Variants in ALK observed in about 807,000 individuals in gnomAD.
ALK encodes ALK tyrosine kinase receptor.
In ALK, 74 loss-of-function variants were observed where a neutral mutation model predicts 163.1. That is an observed-to-expected ratio of 0.45 (90% confidence interval 0.38 to 0.55). The LOEUF is 0.55. Ranked by LOEUF, ALK falls within the 20% of genes least tolerant of loss-of-function variation. The pLI, the probability that ALK is intolerant of heterozygous loss-of-function variation, is 0.00. For missense variants in ALK, 2,063 were observed against 2,105.3 expected, an observed-to-expected ratio of 0.98 and a Z score of 0.39; for synonymous variants, 960 against 843.2, an observed-to-expected ratio of 1.14 and a Z score of -2.40.
At chr2:29,917,167 A>G (rs1667856688) in intron 1 of ALK, among the ~76,000 whole-genome samples, 1 of 152,198 alleles carries the variant, frequency 6.6e-6, no homozygotes, top group African/African-American at 2.4e-5. Flanking sequence ...TTAGGAAGCT[A>G]TCTTTGGTCT....
chr2:29,671,653 G>C (rs1022520208), intron 3 of ALK, among the ~76,000 whole-genome samples: 3 of 151,940 alleles, frequency 2.0e-5, no homozygotes, highest in Non-Finnish European at 4.4e-5. Context: ...TGTGGGGTAG[G>C]GGTGTCACAG....
intron 4 of ALK, among the ~76,000 whole-genome samples, chr2:29,500,942 G>A (rs1672159355): frequency 6.6e-6 from 1 of 152,050 alleles, no homozygotes; most frequent in South Asian, 2.1e-4. Context: ...CTCCTTTCTG[G>A]CATATTCTTG....
intron 4 of ALK, among the ~76,000 whole-genome samples, chr2:29,526,448 A>G (rs1482326487): frequency 6.6e-6 from 1 of 152,210 alleles, no homozygotes; most frequent in Admixed American, 6.5e-5. Flanking sequence ...TAAGGCTTTT[A>G]AAAATTACCT....
intron 15 of ALK, among the ~76,000 whole-genome samples, chr2:29,230,519 T>C (rs1664170038): frequency 6.6e-6 from 1 of 152,266 alleles, no homozygotes; most frequent in South Asian, 2.1e-4. Flanking sequence ...CTGGAAGCAC[T>C]TGTGGCCCAG....
rs978759944 is a variant in ALK at position 29,227,975 on chromosome 2, C to T, written c.2816-303G>A. ...TCCAAAAAGTTCTAGTCTTTCCAGG[C>T]TGGGATATGCCCATGGTGCCTCTCC... On this transcript the variant is annotated intron_variant, in intron 16 of 28. Coordinates refer to ENST00000389048, the MANE Select transcript of ALK (RefSeq NM_004304.5). The surrounding 1 kb of genome is among the most constrained non-coding windows in gnomAD (Gnocchi z 4.4). 6.6e-6 allele frequency among the ~76,000 whole-genome samples: 1 copy of T among 152,224 alleles called. No individual in the cohort carries two copies. The highest frequency in any genetic ancestry group is 2.4e-5 in the African/African-American group (1 of 41,460).
At chr2:29,517,113 G>T (rs1672690704) in intron 4 of ALK, among the ~76,000 whole-genome samples, 1 of 152,222 alleles carries the variant, frequency 6.6e-6, no homozygotes, top group South Asian at 2.1e-4. Flanking sequence ...ATGTTTTGAT[G>T]AAGTTGAGGC....
At chr2:29,560,222 G>A (rs991023621) in intron 3 of ALK, among the ~76,000 whole-genome samples, 48 of 152,106 alleles carry the variant, frequency 3.2e-4, no homozygotes, top group African/African-American at 1.1e-3. Context: ...ACTGGTGAAT[G>A]GATAAACAAT....
chr2:29,679,368 C>T (rs1250757668), intron 3 of ALK, among the ~76,000 whole-genome samples: 1 of 151,592 alleles, frequency 6.6e-6, no homozygotes, highest in Non-Finnish European at 1.5e-5. Flanking sequence ...TTTTTTTCAG[C>T]ACTGAATACT....
chr2:29,567,434 C>A (rs1466290967), intron 3 of ALK, among the ~76,000 whole-genome samples: 1 of 152,178 alleles, frequency 6.6e-6, no homozygotes, highest in African/African-American at 2.4e-5. Context: ...CTCCACATCC[C>A]CAGACCTGTC....
At chr2:29,739,514 C>T (rs11694399) in intron 1 of ALK, among the ~76,000 whole-genome samples, 114,494 of 149,874 alleles carry the variant, frequency 0.76, 44,465 homozygotes, top group East Asian at 0.84. Flanking sequence ...GCCGAGATTG[C>T]GCCACTGCAC....
intron 23 of ALK, among the ~76,000 whole-genome samples, chr2:29,219,846 C>T (rs1669753782): frequency 6.6e-6 from 1 of 152,228 alleles, no homozygotes; most frequent in African/African-American, 2.4e-5. Context: ...CCCTGGGTAT[C>T]TTCACTTCCC....
At chr2:29,319,028 T>A (rs1666923922) in intron 7 of ALK, 1 of 154,822 alleles carries the variant, frequency 6.5e-6, no homozygotes, top group African/African-American at 2.4e-5. Context: ...ATGCGTGGCC[T>A]TCCAGTGGTT....
chr2:29,732,090 C>T (rs1679758487), intron 1 of ALK, among the ~76,000 whole-genome samples: 1 of 152,204 alleles, frequency 6.6e-6, no homozygotes. Flanking sequence ...TAACATATCA[C>T]TACCTCCATA....
intron 3 of ALK, among the ~76,000 whole-genome samples, chr2:29,545,297 T>A (rs972166894): frequency 1.3e-5 from 2 of 152,222 alleles, no homozygotes; most frequent in Non-Finnish European, 2.9e-5. Flanking sequence ...TGTGGTCTTA[T>A]GAATTGTTCA....
At chr2:29,668,391 T>C (rs1677582135) in intron 3 of ALK, among the ~76,000 whole-genome samples, 1 of 152,106 alleles carries the variant, frequency 6.6e-6, no homozygotes, top group African/African-American at 2.4e-5. Flanking sequence ...TAGGTATTTA[T>C]TGCTATAAAC....
chr2:29,352,526 G>A (rs1419075276), intron 5 of ALK, among the ~76,000 whole-genome samples: 2 of 152,212 alleles, frequency 1.3e-5, no homozygotes, highest in African/African-American at 4.8e-5. Flanking sequence ...AAGATACAGA[G>A]GACAGAATCT....
chr2:29,358,885 C>T (rs1350633048), intron 5 of ALK, among the ~76,000 whole-genome samples: 1 of 152,074 alleles, frequency 6.6e-6, no homozygotes, highest in Non-Finnish European at 1.5e-5. Flanking sequence ...CCAACAATTC[C>T]CTATTATATA....
chr2:29,500,840 C>T (rs1441053543), intron 4 of ALK, among the ~76,000 whole-genome samples: 3 of 152,194 alleles, frequency 2.0e-5, no homozygotes, highest in Non-Finnish European at 2.9e-5. Flanking sequence ...CTTGCATACA[C>T]AGGGGCTCTG....
chr2:29,255,218 C>G (rs746716400), intron 11 of ALK, among the ~76,000 whole-genome samples: 2 of 152,064 alleles, frequency 1.3e-5, no homozygotes, highest in Admixed American at 1.3e-4. Flanking sequence ...GCTCATTGTG[C>G]GAGGGCTGTC....
Sources: gnomAD v4.1 joint callset for allele counts (sites outside exome capture counted in the v4.1 genomes callset) on GRCh38, gnomAD v4.1.1 for gene constraint, Gnocchi (gnomAD v3.1) non-coding constraint, MANE v1.5 for transcripts, NCBI Gene and HGNC (gene_info 2026-07-23, HGNC 2026-07-21) for gene names.